DACH1: variants seen among roughly 807,000 people sequenced by gnomAD.
DACH1 encodes dachshund homolog 1.
Under a neutral mutation model 54.2 loss-of-function variants are expected in DACH1, and 12 were observed. The ratio of observed to expected loss-of-function variants is 0.22; its 90% CI spans 0.14 to 0.36. The LOEUF (loss-of-function observed/expected upper bound fraction) is 0.36. Among genes scored for constraint, DACH1 ranks in the 10% least tolerant of loss-of-function variants. The pLI is 1.00. For missense variants in DACH1, 805 were observed against 929.8 expected (o/e 0.87, Z 1.75); for synonymous variants, 386 against 366.2 (o/e 1.05, Z -0.62).
chr13:71,545,971 AAGCC>A (rs1186553066), intron 6 of DACH1, among the ~76,000 whole-genome samples: 1 of 152,094 alleles, frequency 6.6e-6, no homozygotes, highest in African/African-American at 2.4e-5. Context: ...CAGAATGGCA[AAGCC>A]TTCATAAATA....
At chr13:71,550,481 T>C (rs1883739351) in intron 6 of DACH1, among the ~76,000 whole-genome samples, 1 of 152,096 alleles carries the variant, frequency 6.6e-6, no homozygotes, top group Non-Finnish European at 1.5e-5. Flanking sequence ...AACTTGAAAG[T>C]TCAGTGTGAC....
chr13:71,575,461 T>A (rs1052656479), intron 3 of DACH1, among the ~76,000 whole-genome samples: 4 of 152,034 alleles, frequency 2.6e-5, no homozygotes, highest in Admixed American at 2.6e-4. Flanking sequence ...TTTATTGAAG[T>A]CCTTACTGCC....
At chr13:71,514,600 T>C (rs1178741491) in intron 6 of DACH1, among the ~76,000 whole-genome samples, 1 of 151,860 alleles carries the variant, frequency 6.6e-6, no homozygotes, top group Non-Finnish European at 1.5e-5. Flanking sequence ...TATAGTTATA[T>C]TTCATAATGA....
chr13:71,854,078 G>A (rs1013937659), intron 1 of DACH1, among the ~76,000 whole-genome samples: 6 of 151,996 alleles, frequency 3.9e-5, no homozygotes, highest in Non-Finnish European at 8.8e-5. Flanking sequence ...AAAAAAAAGA[G>A]AGCAAAAAAG....
chr13:71,642,355 G>A (rs1877968182), intron 2 of DACH1, among the ~76,000 whole-genome samples: 1 of 152,124 alleles, frequency 6.6e-6, no homozygotes, highest in Admixed American at 6.5e-5. Flanking sequence ...AATCACAAAA[G>A]CTTCGTGAGA....
intron 1 of DACH1, among the ~76,000 whole-genome samples, chr13:71,779,447 A>G (rs1886273435): frequency 6.6e-6 from 1 of 151,840 alleles, no homozygotes; most frequent in South Asian, 2.1e-4. Context: ...CACCATTTAG[A>G]AAATAGAATG....
intron 1 of DACH1, among the ~76,000 whole-genome samples, chr13:71,716,096 C>G (rs947242039): frequency 2.6e-5 from 4 of 151,912 alleles, no homozygotes; most frequent in East Asian, 1.9e-4. Flanking sequence ...CCATCCAATC[C>G]CCAAAACCAG....
At chr13:71,865,254 C>T (rs2138304723) in intron 1 of DACH1, among the ~76,000 whole-genome samples, 1 of 152,304 alleles carries the variant, frequency 6.6e-6, no homozygotes, top group East Asian at 1.9e-4. Flanking sequence ...CTCCGGGCTT[C>T]GGAGCTCAAG....
intron 6 of DACH1, among the ~76,000 whole-genome samples, chr13:71,530,029 C>T (rs1205745081): frequency 1.3e-5 from 2 of 151,976 alleles, no homozygotes; most frequent in African/African-American, 2.4e-5. Context: ...TTTGAAAGGT[C>T]TTATCTAAAT....
At chr13:71,461,217 A>G (rs1212293763) in intron 10 of DACH1, among the ~76,000 whole-genome samples, 1 of 152,066 alleles carries the variant, frequency 6.6e-6, no homozygotes, top group Non-Finnish European at 1.5e-5. Context: ...GCCTAACACA[A>G]TGGTGTTAAT....
intron 1 of DACH1, among the ~76,000 whole-genome samples, chr13:71,864,173 GCGCACATA>G (rs1212798122): frequency 1.9e-5 from 2 of 105,850 alleles, no homozygotes; most frequent in Non-Finnish European, 3.5e-5. Context: ...GAGCGCGCGC[GCGCACATA>G]CACACACACA....
At chr13:71,794,814 C>A (rs2138104982) in intron 1 of DACH1, among the ~76,000 whole-genome samples, 1 of 152,268 alleles carries the variant, frequency 6.6e-6, no homozygotes, top group East Asian at 1.9e-4. Flanking sequence ...CATTCAAGTA[C>A]AAAATCTTAG....
intron 1 of DACH1, among the ~76,000 whole-genome samples, chr13:71,853,930 C>T (rs1052423781): frequency 6.6e-6 from 1 of 151,946 alleles, no homozygotes; most frequent in Admixed American, 6.6e-5. Context: ...GCTGGGTGAC[C>T]GGTATCTTAG....
chr13:71,614,552 A>G (rs1182777364), intron 3 of DACH1, among the ~76,000 whole-genome samples: 1 of 152,158 alleles, frequency 6.6e-6, no homozygotes, highest in East Asian at 1.9e-4. Context: ...TAATATAAAA[A>G]TGCCAAAACT....
In DACH1 at chr13:71,735,207, C is replaced by T. The variant is rs142625593; in HGVS notation, c.849-53297G>A. 2.2e-4 allele frequency among the ~76,000 whole-genome samples: 32 copies of T among 148,460 alleles called. 1 individual carries two copies. In the East Asian group the frequency reaches 6.3e-3, roughly 29 times the overall value. On this transcript the variant is annotated intron_variant, in intron 1 of 10. Coordinates refer to ENST00000613252, the MANE Select transcript of DACH1 (RefSeq NM_080759.6). The stretch of plus-strand genomic sequence containing the variant: ...GATATACGTATGTATATGGGATACA[C>T]GTATATGGGATATACATATGTATAT...
chr13:71,595,424 C>T (rs958026022), intron 3 of DACH1, among the ~76,000 whole-genome samples: 4 of 152,008 alleles, frequency 2.6e-5, no homozygotes, highest in Admixed American at 6.6e-5. Context: ...ACTCTGGCTA[C>T]CATCAAAAAG....
chr13:71,720,643 A>T (rs1883190812), intron 1 of DACH1, among the ~76,000 whole-genome samples: 1 of 152,234 alleles, frequency 6.6e-6, no homozygotes, highest in Non-Finnish European at 1.5e-5. Flanking sequence ...GCCTGCTAAC[A>T]TGTAAAGATA....
chr13:71,809,077 T>A (rs1047471328), intron 1 of DACH1, among the ~76,000 whole-genome samples: 2 of 152,228 alleles, frequency 1.3e-5, no homozygotes, highest in African/African-American at 2.4e-5. Flanking sequence ...TGGATGATTG[T>A]TACATTTTTA....
At chr13:71,704,519 A>G in intron 1 of DACH1, 1 of 390,404 alleles carries the variant, frequency 2.6e-6, no homozygotes, top group Non-Finnish European at 5.1e-6. Context: ...GATCAGTAAC[A>G]GAAGGAAGCC....
Sources: allele counts gnomAD v4.1 joint callset (sites outside exome capture counted in the v4.1 genomes callset), GRCh38; gene constraint gnomAD v4.1.1; transcripts MANE v1.5; gene names NCBI Gene and HGNC (gene_info 2026-07-23, HGNC 2026-07-21).